The following DAB1 variants were observed in gnomAD, a reference collection of about 807,000 sequenced individuals.
The protein encoded by DAB1 is disabled homolog 1.
In DAB1, 15 loss-of-function variants were observed where a neutral mutation model predicts 64.6. The observed-to-expected ratio is 0.23, with a 90% CI of 0.16 to 0.36. The LOEUF is 0.36. Among genes scored for constraint, DAB1 ranks in the 10% least tolerant of loss-of-function variants. DAB1 has a pLI of 1.00. For missense variants in DAB1, 596 were observed against 706.7 expected, an observed-to-expected ratio of 0.84 and a Z score of 1.78; for synonymous variants, 235 against 251.9, an observed-to-expected ratio of 0.93 and a Z score of 0.64.
At chr1:57,697,422 TAAAAAAAA>T (rs56655539) in intron 6 of DAB1, among the ~76,000 whole-genome samples, 1 of 57,870 alleles carries the variant, frequency 1.7e-5, no homozygotes, top group African/African-American at 6.6e-5. Context: ...CTCACGTTTC[TAAAAAAAA>T]AAAAAAAAAA....
intron 3 of DAB1, among the ~76,000 whole-genome samples, chr1:58,355,830 C>A (rs936029895): frequency 1.3e-5 from 2 of 152,166 alleles, no homozygotes; most frequent in African/African-American, 4.8e-5. Context: ...CCTCTAATCG[C>A]AGGAACATGC....
rs145217285 is a variant in DAB1, at chr1:57,771,776, A to G, written n.551+112223T>C. On this transcript the variant is annotated intron_variant and non_coding_transcript_variant, in intron 6 of 20. Coordinates refer to the DAB1 transcript ENST00000485760. Reference sequence around the variant, plus strand: ...TCCAACTCCCAGCCCCAGGACACCAATGATCTAATTTCAGTCATGATACAT... The same window carrying G: ...TCCAACTCCCAGCCCCAGGACACCAGTGATCTAATTTCAGTCATGATACAT... Among the ~76,000 whole-genome samples, 411 of 152,146 alleles carry G rather than the reference A, an allele frequency of 2.7e-3. 1 individual carries two copies. Among genetic ancestry groups the G allele is most frequent in the Middle Eastern group, 0.02 (6 of 294 alleles).
chr1:57,951,289 A>G (rs1645270468), intron 5 of DAB1, among the ~76,000 whole-genome samples: 1 of 103,416 alleles, frequency 9.7e-6, no homozygotes, highest in African/African-American at 3.5e-5. Flanking sequence ...GACTTTCTTA[A>G]AACAGATCCG....
chr1:57,126,493 A>AT (rs1657137236), intron 4 of DAB1, among the ~76,000 whole-genome samples: 1 of 152,154 alleles, frequency 6.6e-6, no homozygotes, highest in Non-Finnish European at 1.5e-5. Context: ...CAAAAAAGAG[A>AT]TAATACCTCT....
chr1:57,346,835 C>T (rs1678149538), intron 1 of DAB1, among the ~76,000 whole-genome samples: 1 of 152,190 alleles, frequency 6.6e-6, no homozygotes, highest in Admixed American at 6.5e-5. Flanking sequence ...TTACTCCATA[C>T]TATCTGAATT....
At chr1:57,483,084 C>T (rs1644044327) in intron 7 of DAB1, among the ~76,000 whole-genome samples, 3 of 152,118 alleles carry the variant, frequency 2.0e-5, no homozygotes, top group Admixed American at 1.3e-4. Context: ...ACACAATAAT[C>T]TCAACGTAAA....
At chr1:58,166,124 C>T (rs745360880) in intron 4 of DAB1, among the ~76,000 whole-genome samples, 2 of 152,170 alleles carry the variant, frequency 1.3e-5, no homozygotes, top group African/African-American at 2.4e-5. Context: ...AATGACTATA[C>T]ATCAAGCTAG....
At chr1:58,218,989 T>TTC (rs1049058578) in intron 4 of DAB1, among the ~76,000 whole-genome samples, 4,571 of 125,748 alleles carry the variant, frequency 0.036, 210 homozygotes, top group Admixed American at 0.13. Context: ...ATTCTGGCCA[T>TTC]TCTCTCTCTC....
chr1:57,393,191 G>T (rs925833975), intron 1 of DAB1, among the ~76,000 whole-genome samples: 11 of 152,164 alleles, frequency 7.2e-5, no homozygotes, highest in Non-Finnish European at 1.6e-4. Flanking sequence ...AAATGGGGAT[G>T]ATTATAATAG....
intron 5 of DAB1, among the ~76,000 whole-genome samples, chr1:57,912,900 C>T (rs1358925127): frequency 6.6e-6 from 1 of 152,136 alleles, no homozygotes; most frequent in South Asian, 2.1e-4. Flanking sequence ...TGTGAAGGAC[C>T]TCTTCAAGGA....
At chr1:57,987,319 G>T (rs1055218178) in intron 5 of DAB1, among the ~76,000 whole-genome samples, 4 of 152,140 alleles carry the variant, frequency 2.6e-5, no homozygotes, top group African/African-American at 9.7e-5. Context: ...CTTACAGTTT[G>T]TGAGTCTATT....
At chr1:58,429,061 T>A (rs1002522135) in intron 3 of DAB1, among the ~76,000 whole-genome samples, 14 of 152,220 alleles carry the variant, frequency 9.2e-5, no homozygotes, top group African/African-American at 3.4e-4. Context: ...TTGCACAGTT[T>A]ACTATATGTG....
rs368519231 is a variant in DAB1 at position 57,259,347 on chromosome 1, A to T, written c.67+31617T>A. ...ACACAGTAAGGTGAGCCCTACAGTG[A>T]GGGAAGCAGAAGATGCTAAAAGAGT... On this transcript the variant is annotated intron_variant, in intron 2 of 14. Transcript: ENST00000371236. Among the ~76,000 whole-genome samples the T allele has an allele frequency of 6.0e-4, 92 of 152,310 alleles. 1 individual carries two copies. The South Asian group carries it at 0.017, about 27-fold the overall frequency.
intron 6 of DAB1, among the ~76,000 whole-genome samples, chr1:57,672,255 G>A (rs1468353008): frequency 6.6e-6 from 1 of 152,110 alleles, no homozygotes; most frequent in Non-Finnish European, 1.5e-5. Flanking sequence ...ATCTGTAGTT[G>A]AATTAGGTTA....
rs533092627 is a variant in DAB1 at position 58,438,418 on chromosome 1, G to A, written n.257+67642C>T. ...ATGAGAGAAGTTAGCCATATGAAAT[G>A]GGCTAGAGAGGGTTCCGGGCAGTTG... On this transcript the variant is annotated intron_variant and non_coding_transcript_variant, in intron 3 of 20. Coordinates refer to the DAB1 transcript ENST00000485760. Among the ~76,000 whole-genome samples the A allele has an allele frequency of 6.9e-4, 105 of 152,304 alleles. 1 individual carries two copies. The highest frequency in any genetic ancestry group is 3.9e-4 in the Admixed American group (6 of 15,306).
chr1:57,386,881 T>C (rs1681912981), intron 1 of DAB1: 1 of 152,196 alleles, frequency 6.6e-6, no homozygotes, highest in Admixed American at 6.5e-5. Flanking sequence ...TGCTTTATCC[T>C]GCTTCCAGGG....
At chr1:58,426,437 A>T (rs1644822658) in intron 3 of DAB1, among the ~76,000 whole-genome samples, 1 of 152,238 alleles carries the variant, frequency 6.6e-6, no homozygotes. Context: ...TACCTACTAC[A>T]TACCAGGTGT....
At chr1:58,148,373 G>A (rs371470824) in intron 5 of DAB1, among the ~76,000 whole-genome samples, 7 of 152,116 alleles carry the variant, frequency 4.6e-5, no homozygotes, top group South Asian at 2.1e-4. Flanking sequence ...ACTGCCAACC[G>A]CTACCCACTG....
At chr1:57,485,413 G>A (rs1644078141) in intron 7 of DAB1, among the ~76,000 whole-genome samples, 1 of 152,174 alleles carries the variant, frequency 6.6e-6, no homozygotes. Flanking sequence ...TATATCAGAA[G>A]GTTATTTGGA....
Sources: allele counts gnomAD v4.1 joint callset (sites outside exome capture counted in the v4.1 genomes callset), GRCh38; gene constraint gnomAD v4.1.1; transcripts MANE v1.5; gene names NCBI Gene and HGNC (gene_info 2026-07-23, HGNC 2026-07-21).